Variants in NBAS observed in about 807,000 individuals in gnomAD.
NBAS encodes NAG/BC035112 fusion.
Under a neutral mutation model 302.5 loss-of-function variants are expected in NBAS, and 219 were observed. That is an observed-to-expected ratio of 0.72 (90% CI 0.65 to 0.81). The LOEUF (loss-of-function observed/expected upper bound fraction) is 0.81, where lower values mean the gene tolerates loss of function less well. Ranked by LOEUF, NBAS falls within the 30% of genes least tolerant of loss-of-function variation. The pLI is 0.00. For missense variants in NBAS, 2,932 were observed against 2,841.6 expected (o/e 1.03, Z -0.72); for synonymous variants, 1,118 against 1,021.6 (o/e 1.09, Z -1.80).
intron 42 of NBAS, among the ~76,000 whole-genome samples, chr2:15,283,404 T>C (rs1360512282): frequency 1.3e-5 from 2 of 152,084 alleles, no homozygotes; most frequent in Non-Finnish European, 1.5e-5. Context: ...AACTGAATCA[T>C]GGGGGTGGTT....
the NBAS span, among the ~76,000 whole-genome samples, chr2:15,027,804 T>A: frequency 6.6e-6 from 1 of 152,338 alleles, no homozygotes; most frequent in South Asian, 2.1e-4. Flanking sequence ...TTATCATATT[T>A]ACGTAGTTTT....
chr2:15,539,293 G>A lies in NBAS; in HGVS notation c.443C>T (p.Ala148Val). 6.2e-7 allele frequency: 1 copy of A among 1,614,214 alleles called. No individual in the cohort carries two copies. The highest frequency in any genetic ancestry group is 8.5e-7 in the Non-Finnish European group (1 of 1,180,048). ...VAWSYDCTLL[A>V]YAESTGTVRV... ...CACAGTTCCTGTGCTTTCGGCATAG[G>A]CCAGTAGGGTACAATCGTAACTCCA... The change falls in exon 7 of 52, where the codon GCC becomes GTC. Residue 148 changes from alanine (A) to valine (V), a missense_variant. Ala to Val is a moderately conservative substitution (Grantham distance 64). Transcript: ENST00000281513.
At chr2:15,112,676 A>G in the NBAS span, among the ~76,000 whole-genome samples, 1 of 152,126 alleles carries the variant, frequency 6.6e-6, no homozygotes, top group Admixed American at 6.5e-5. Flanking sequence ...TAATGTTGTC[A>G]TCAAAAATTT....
At chr2:14,903,249 A>G in the NBAS span, among the ~76,000 whole-genome samples, 243 of 152,052 alleles carry the variant, frequency 1.6e-3, 1 homozygote, top group African/African-American at 5.3e-3. Context: ...AAATTCAGTC[A>G]GTATTAGCAT....
At chr2:15,196,176 C>T (rs1665610925) in intron 48 of NBAS, among the ~76,000 whole-genome samples, 1 of 152,204 alleles carries the variant, frequency 6.6e-6, no homozygotes, top group Non-Finnish European at 1.5e-5. Flanking sequence ...GAGTTCTTTA[C>T]TTCAAGAAGG....
the NBAS span, among the ~76,000 whole-genome samples, chr2:14,889,626 G>T: frequency 8.6e-3 from 1,317 of 152,288 alleles, 9 homozygotes; most frequent in Non-Finnish European, 0.013. Context: ...CATTGGCCTG[G>T]CATAAAAAGC....
intron 22 of NBAS, among the ~76,000 whole-genome samples, chr2:15,425,285 T>C (rs1307328395): frequency 1.3e-5 from 2 of 152,222 alleles, no homozygotes; most frequent in African/African-American, 4.8e-5. Flanking sequence ...ATGGTTCTTG[T>C]TGTAAGGCAA....
rs150327360 is a variant in NBAS, at chr2:15,250,718, T to A, written c.5725-12032A>T. 2.7e-3 allele frequency among the ~76,000 whole-genome samples: 412 copies of A among 152,310 alleles called. 2 individuals carry two copies. Among genetic ancestry groups the A allele is most frequent in the African/African-American group, 9.4e-3 (389 of 41,556 alleles). On this transcript the variant is annotated intron_variant, in intron 44 of 51. Coordinates refer to ENST00000281513, the MANE Select transcript of NBAS (RefSeq NM_015909.4). Reference sequence around the variant, plus strand: ...ACAAGCATATGAAAAAAGCTCATCATCACTGTTCATTAGAGAAATGCAAAT... The same window carrying A: ...ACAAGCATATGAAAAAAGCTCATCAACACTGTTCATTAGAGAAATGCAAAT...
chr2:15,514,879 A>T (rs1662313779), intron 9 of NBAS, among the ~76,000 whole-genome samples: 1 of 152,118 alleles, frequency 6.6e-6, no homozygotes, highest in Admixed American at 6.5e-5. Flanking sequence ...TGTCTACAAA[A>T]GGTTAAGATC....
intron 29 of NBAS, among the ~76,000 whole-genome samples, chr2:15,382,556 A>G (rs1675091395): frequency 6.6e-6 from 1 of 152,186 alleles, no homozygotes; most frequent in Non-Finnish European, 1.5e-5. Context: ...TTCCAGGCCA[A>G]GGGAACAACG....
chr2:15,431,542 A>G (rs1402025900), intron 21 of NBAS, among the ~76,000 whole-genome samples: 3 of 152,192 alleles, frequency 2.0e-5, no homozygotes, highest in Admixed American at 6.5e-5. Context: ...GGCATTTAGC[A>G]GACTCAAAAA....
Position 15,379,722 on chromosome 2 carries a change from T to C in NBAS, c.3470A>G (p.His1157Arg). 1.9e-6 allele frequency: 3 copies of C among 1,614,078 alleles called. No individual in the cohort carries two copies. The highest frequency in any genetic ancestry group is 2.5e-6 in the Non-Finnish European group (3 of 1,179,988). The change falls in exon 30 of 52, where the codon CAT (histidine) becomes CGT (arginine). Residue 1157 changes from histidine (H) to arginine (R), a missense_variant. Physicochemically the swap from His to Arg is conservative, Grantham distance 29. Coordinates refer to ENST00000281513, the MANE Select transcript of NBAS (RefSeq NM_015909.4). ...CSENPPAGIA[H>R]KGKPHYRVSY... ...GACCCTGTAGTGGGGTTTCCCTTTA[T>C]GGGCTATACCAGCTGGAGGATTTTC...
the NBAS span, among the ~76,000 whole-genome samples, chr2:14,842,931 C>A: frequency 4.7e-5 from 7 of 148,492 alleles, no homozygotes; most frequent in Non-Finnish European, 7.4e-5. Context: ...TCAAACCAAA[C>A]TCAAACTCAA....
chr2:15,266,843 C>T (rs1057280567), intron 44 of NBAS, among the ~76,000 whole-genome samples: 1 of 152,116 alleles, frequency 6.6e-6, no homozygotes, highest in African/African-American at 2.4e-5. Flanking sequence ...TATTTCTAGT[C>T]CCTACCTCTC....
chr2:14,799,740 CT>C, the NBAS span, among the ~76,000 whole-genome samples: 1 of 152,042 alleles, frequency 6.6e-6, no homozygotes, highest in Non-Finnish European at 1.5e-5. Flanking sequence ...TATTTTAAAG[CT>C]TTGTTATTCA....
Position 15,307,019 on chromosome 2 carries a change from C to T in NBAS, c.4797+1197G>A, listed in dbSNP as rs574832118. On this transcript the variant is annotated intron_variant, in intron 40 of 51. Coordinates refer to ENST00000281513, the MANE Select transcript of NBAS (RefSeq NM_015909.4). ...CAGTGAGAAGGGACCAGGCAGAAATCCTGGGGCCCTCAGCCTCCTTCTGCC... is the reference window on the plus strand; with the variant it reads ...CAGTGAGAAGGGACCAGGCAGAAATTCTGGGGCCCTCAGCCTCCTTCTGCC... Among the ~76,000 whole-genome samples the T allele has an allele frequency of 6.6e-5, 10 of 152,300 alleles. No individual in the cohort carries two copies. In the East Asian group the frequency reaches 1.4e-3, roughly 21 times the overall value.
chr2:15,440,601 A>C (rs550544380), intron 21 of NBAS, among the ~76,000 whole-genome samples: 1,909 of 152,200 alleles, frequency 0.013, 29 homozygotes, highest in East Asian at 0.058. Flanking sequence ...AAGCAGAGCA[A>C]CTCTCCTCCT....
the NBAS span, among the ~76,000 whole-genome samples, chr2:15,103,991 G>A: frequency 6.6e-6 from 1 of 152,128 alleles, no homozygotes; most frequent in Non-Finnish European, 1.5e-5. Flanking sequence ...GGACAGAATA[G>A]AGGTGATATG....
At chr2:15,002,756 C>G in the NBAS span, among the ~76,000 whole-genome samples, 2 of 152,240 alleles carry the variant, frequency 1.3e-5, no homozygotes, top group African/African-American at 4.8e-5. Flanking sequence ...ACCCAGTACA[C>G]CCTCCGCAGC....
Sources: gnomAD v4.1 joint callset for allele counts (sites outside exome capture counted in the v4.1 genomes callset) on GRCh38, gnomAD v4.1.1 for gene constraint, MANE v1.5 for transcripts, NCBI Gene and HGNC (gene_info 2026-07-23, HGNC 2026-07-21) for gene names.